ZNF114: variants seen among roughly 807,000 people sequenced by gnomAD.
ZNF114 encodes the protein zinc finger protein 114 (Y18).
A neutral mutation model predicts 6.8 loss-of-function variants in ZNF114; 8 were observed. The observed-to-expected ratio is 1.18, with a 90% CI of 0.69 to 2.13. ZNF114 has a LOEUF of 2.13. ZNF114 is among the 30% of genes most tolerant of loss of function. The pLI is 0.00. For missense variants in ZNF114, 472 were observed against 519.5 expected, an observed-to-expected ratio of 0.91 and a Z score of 0.89; for synonymous variants, 169 against 185.5, an observed-to-expected ratio of 0.91 and a Z score of 0.72.
Position 48,286,002 on chromosome 19 carries a change from T to C in ZNF114, c.378T>C (p.His126=), listed in dbSNP as rs747813766. Residue 126 remains histidine (H), a synonymous_variant, in exon 6 of 6, where the codon CAT becomes CAC. Coordinates refer to ENST00000595607, the MANE Select transcript of ZNF114 (RefSeq NM_153608.4). ...DESPVSICED[H]EMRNHSKPTC... is the part of the protein sequence containing the mutation. ...CTCCTGTTAGCATTTGTGAAGATCA[T>C]GAAATGAGGAACCACTCTAAACCTA... The C allele has an allele frequency of 7.3e-5, 118 of 1,613,792 alleles. No homozygotes were observed. The highest frequency in any genetic ancestry group is 4.2e-4 in the East Asian group (19 of 44,898).
In ZNF114 at chr19:48,286,742, C is replaced by T; in HGVS notation, c.1118C>T (p.Ser373Phe). The change falls in exon 6 of 6, where the codon TCC becomes TTC. Residue 373 changes from serine to phenylalanine, a missense_variant. Physicochemically the swap from Ser to Phe is radical, Grantham distance 155. Coordinates refer to ENST00000595607, the MANE Select transcript of ZNF114 (RefSeq NM_153608.4). The stretch of plus-strand genomic sequence containing the variant: ...GAATGTGGGAAAGTCATTCGGGAGT[C>T]CTCAAAATATACACATATAAGGAGC... Reference protein sequence around the residue: ...CEECGKVIRESSKYTHIRSHT... With the variant: ...CEECGKVIREFSKYTHIRSHT... The T allele has an allele frequency of 6.2e-7, 1 of 1,613,744 alleles. No individual in the cohort carries two copies.
chr19:48,281,226 A>C (rs1404418974), intron 4 of ZNF114, among the ~76,000 whole-genome samples: 3 of 152,194 alleles, frequency 2.0e-5, no homozygotes, highest in African/African-American at 7.2e-5. Context: ...TAGGCTGTTC[A>C]GGCTGATGAA....
At chr19:48,277,735 C>T (rs12974191) in intron 3 of ZNF114, among the ~76,000 whole-genome samples, 8,408 of 148,304 alleles carry the variant, frequency 0.057, 498 homozygotes, top group African/African-American at 0.15. Flanking sequence ...TGTTCATTGC[C>T]TCCTGCTTCT....
At chr19:48,276,669 G>A (rs1001735047) in intron 3 of ZNF114, among the ~76,000 whole-genome samples, 6 of 152,118 alleles carry the variant, frequency 3.9e-5, no homozygotes, top group Non-Finnish European at 2.9e-5. Flanking sequence ...GACTAGAGGC[G>A]CACGCCAGCG....
At chr19:48,273,930 T>G (rs916607273) in intron 3 of ZNF114, among the ~76,000 whole-genome samples, 4 of 151,788 alleles carry the variant, frequency 2.6e-5, no homozygotes, top group Non-Finnish European at 4.4e-5. Flanking sequence ...GCTAATTTTT[T>G]GTATTTTTAG....
At chr19:48,274,687 G>T (rs1026002341) in intron 3 of ZNF114, among the ~76,000 whole-genome samples, 2 of 151,596 alleles carry the variant, frequency 1.3e-5, no homozygotes, top group Non-Finnish European at 2.9e-5. Flanking sequence ...TGCATTTTTA[G>T]TAGTGATGGG....
At chr19:48,273,781 G>T (rs1444751493) in intron 3 of ZNF114, among the ~76,000 whole-genome samples, 2 of 138,556 alleles carry the variant, frequency 1.4e-5, no homozygotes, top group African/African-American at 5.4e-5. Context: ...TTTTTGAGAC[G>T]GAGTCTCGCT....
rs1439771530 is a variant in ZNF114 at position 48,282,510 on chromosome 19, C to T, written c.136+13C>T. 1 of 1,603,456 alleles carries T rather than the reference C, an allele frequency of 6.2e-7. No individual in the cohort carries two copies. The highest frequency in any genetic ancestry group is 8.5e-7 in the Non-Finnish European group (1 of 1,172,560). On this transcript the variant is annotated intron_variant, in intron 5 of 5. Coordinates refer to ENST00000595607, the MANE Select transcript of ZNF114 (RefSeq NM_153608.4). The stretch of plus-strand genomic sequence containing the variant: ...TTGGCATTCATAGGTAAGGAGGCCC[C>T]CTTCCTGCACTTAGTCCGTGATGGG...
chr19:48,279,475 G>T lies in ZNF114; in HGVS notation c.-69-256G>T, dbSNP rs1471440442. ...GGGGGTGGGGGGATGGGGGTGTGTG[G>T]GTGTGTGTGTGAGTGTGTGTGTGGG... On this transcript the variant is annotated intron_variant, in intron 3 of 5. Coordinates refer to ENST00000595607, the MANE Select transcript of ZNF114 (RefSeq NM_153608.4). Among the ~76,000 whole-genome samples the T allele has an allele frequency of 1.7e-3, 200 of 115,256 alleles. 1 individual carries two copies. The highest frequency in any genetic ancestry group is 6.5e-3 in the African/African-American group (188 of 28,986). The allele number at this position is 115,256 out of a possible 152,430, so 75.6% of individuals were successfully genotyped here.
chr19:48,278,066 G>C (rs1219159612), intron 3 of ZNF114, among the ~76,000 whole-genome samples: 1 of 151,974 alleles, frequency 6.6e-6, no homozygotes, highest in African/African-American at 2.4e-5. Context: ...CTCCCAAGTA[G>C]CTGGGATTAC....
rs189335565 is a variant in ZNF114, at chr19:48,272,830, C to G, written c.-70+1002C>G. Among the ~76,000 whole-genome samples, 473 of 123,300 alleles carry G rather than the reference C, an allele frequency of 3.8e-3. 2 individuals are homozygous for G. The highest frequency in any genetic ancestry group is 0.026 in the Middle Eastern group (3 of 116). 80.9% of individuals were successfully genotyped at this position (123,300 alleles called of 152,430 possible). On this transcript the variant is annotated intron_variant, in intron 3 of 5. Transcript: ENST00000595607. ...TTTTTTTTTGAGAGGGAGTCTCGCT[C>G]TGTCACCCAGGCTGGAGCGCTGTGG...
rs1216793282 is a variant in ZNF114 at position 48,286,642 on chromosome 19, G to A, written c.1018G>A (p.Ala340Thr). The A allele has an allele frequency of 1.9e-6, 3 of 1,613,678 alleles. No individual in the cohort carries two copies. The South Asian group carries it at 3.3e-5, about 18-fold the overall frequency. The part of the protein sequence containing the change: ...KPYECGKCGK[A>T]FRYSLHLNKH... Reference sequence around the variant, plus strand: ...GTATGAATGTGGGAAATGTGGGAAAGCCTTTAGATATTCCTTACACCTTAA... The same window carrying A: ...GTATGAATGTGGGAAATGTGGGAAAACCTTTAGATATTCCTTACACCTTAA... Residue 340 changes from alanine (A) to threonine (T), a missense_variant, in exon 6 of 6, where the codon GCC becomes ACC. Physicochemically the swap from Ala to Thr is moderately conservative, Grantham distance 58. Coordinates refer to ENST00000595607, the MANE Select transcript of ZNF114 (RefSeq NM_153608.4).
intron 5 of ZNF114, among the ~76,000 whole-genome samples, chr19:48,284,689 T>C (rs543939093): frequency 1.9e-4 from 29 of 152,286 alleles, no homozygotes; most frequent in African/African-American, 6.7e-4. Context: ...CTTCAGCCTC[T>C]CAAAGTGCTG....
intron 5 of ZNF114, among the ~76,000 whole-genome samples, chr19:48,283,518 G>A (rs897620355): frequency 1.3e-5 from 2 of 152,066 alleles, no homozygotes; most frequent in Non-Finnish European, 2.9e-5. Flanking sequence ...GGGCAGTTTT[G>A]TCCAGGCATT....
chr19:48,278,969 C>T (rs1019406781), intron 3 of ZNF114, among the ~76,000 whole-genome samples: 1 of 150,678 alleles, frequency 6.6e-6, no homozygotes, highest in African/African-American at 2.4e-5. Flanking sequence ...ATTAGATTAG[C>T]GGCTGCCAGC....
chr19:48,286,661 A>G lies in ZNF114; in HGVS notation c.1037A>G (p.His346Arg), dbSNP rs150633518. ...KCGKAFRYSLHLNKHLRKHVV... is the reference protein window; with the variant it reads ...KCGKAFRYSLRLNKHLRKHVV... ...GGGAAAGCCTTTAGATATTCCTTACACCTTAATAAACATTTAAGAAAGCAT... is the reference window on the plus strand; with the variant it reads ...GGGAAAGCCTTTAGATATTCCTTACGCCTTAATAAACATTTAAGAAAGCAT... Residue 346 changes from histidine to arginine, a missense_variant, in exon 6 of 6, where the codon CAC becomes CGC. His to Arg is a conservative substitution (Grantham distance 29). Transcript: ENST00000595607. 2.4e-4 allele frequency: 387 copies of G among 1,612,644 alleles called. No homozygotes were observed. Among genetic ancestry groups the G allele is most frequent in the Non-Finnish European group, 3.2e-4 (378 of 1,179,696 alleles).
At chr19:48,283,734 G>GTT (rs71334285) in intron 5 of ZNF114, among the ~76,000 whole-genome samples, 13 of 148,126 alleles carry the variant, frequency 8.8e-5, no homozygotes, top group East Asian at 2.0e-4. Flanking sequence ...TGGGGTTTTT[G>GTT]TTTTTTTTTT....
intron 1 of ZNF114, 181 bp from the exon 2 acceptor site, chr19:48,271,064 A>AAAAG (rs1471442579): frequency 1.3e-5 from 2 of 152,186 alleles, no homozygotes; most frequent in Non-Finnish European, 2.9e-5. Flanking sequence ...TCAAAAAAAA[A>AAAAG]AAAGAAAGAA....
chr19:48,277,481 T>A (rs1364366402), intron 3 of ZNF114, among the ~76,000 whole-genome samples: 4 of 152,202 alleles, frequency 2.6e-5, no homozygotes, highest in Non-Finnish European at 5.9e-5. Context: ...TAACCAAGGC[T>A]TGTGTTTTTT....
Sources: allele counts gnomAD v4.1 joint callset (sites outside exome capture counted in the v4.1 genomes callset), GRCh38; gene constraint gnomAD v4.1.1; transcripts MANE v1.5; gene names NCBI Gene and HGNC (gene_info 2026-07-23, HGNC 2026-07-21).